The following SCAPER variants were observed in gnomAD, a reference collection of about 807,000 sequenced individuals.
The protein encoded by SCAPER is S phase cyclin A-associated protein in the endoplasmic reticulum.
A neutral mutation model predicts 182.2 loss-of-function variants in SCAPER; 98 were observed. That is an observed-to-expected ratio of 0.54 (90% confidence interval 0.46 to 0.64). The LOEUF (loss-of-function observed/expected upper bound fraction) is 0.64. Ranked by LOEUF, SCAPER falls within the 30% of genes least tolerant of loss-of-function variation. SCAPER has a pLI of 0.00. For synonymous variants in SCAPER, 605 were observed against 564.6 expected (o/e 1.07, Z -1.01); for missense variants, 1,432 against 1,690.0 (o/e 0.85, Z 2.68).
At chr15:76,361,670 G>T (rs2041430947) in intron 29 of SCAPER, among the ~76,000 whole-genome samples, 1 of 152,200 alleles carries the variant, frequency 6.6e-6, no homozygotes, top group African/African-American at 2.4e-5. Flanking sequence ...GCAGACATGA[G>T]AATTCAAAAA....
intron 29 of SCAPER, among the ~76,000 whole-genome samples, chr15:76,365,232 T>C (rs1029913261): frequency 6.6e-6 from 1 of 152,176 alleles, no homozygotes; most frequent in Non-Finnish European, 1.5e-5. Flanking sequence ...TCCTAGCACA[T>C]GGTTTGACAC....
intron 27 of SCAPER, among the ~76,000 whole-genome samples, chr15:76,387,675 A>G (rs1042621704): frequency 6.6e-6 from 1 of 152,232 alleles, no homozygotes; most frequent in African/African-American, 2.4e-5. Flanking sequence ...GGAAACCAGG[A>G]GAGTATGGTG....
intron 16 of SCAPER, among the ~76,000 whole-genome samples, chr15:76,732,252 T>C (rs917780832): frequency 6.6e-6 from 1 of 152,148 alleles, no homozygotes; most frequent in Non-Finnish European, 1.5e-5. Context: ...ACCGAGGGCA[T>C]GAGCTGTTCC....
intron 26 of SCAPER, among the ~76,000 whole-genome samples, chr15:76,433,861 A>T (rs191985575): frequency 8.5e-4 from 129 of 152,338 alleles, no homozygotes; most frequent in South Asian, 1.7e-3. Context: ...CTGCTGCTGC[A>T]AAAGAGCCTG....
chr15:76,553,397 G>A (rs2045937810), intron 23 of SCAPER, among the ~76,000 whole-genome samples: 1 of 152,134 alleles, frequency 6.6e-6, no homozygotes, highest in South Asian at 2.1e-4. Context: ...TGGACACCCC[G>A]CAGTGTCACC....
chr15:76,847,212 G>C (rs926781527), intron 4 of SCAPER, among the ~76,000 whole-genome samples: 1 of 152,078 alleles, frequency 6.6e-6, no homozygotes, highest in Non-Finnish European at 1.5e-5. Flanking sequence ...AGGGGAGTAG[G>C]GGGGAAGTGG....
chr15:76,693,107 A>G (rs1419395032), intron 20 of SCAPER, among the ~76,000 whole-genome samples: 4 of 152,174 alleles, frequency 2.6e-5, no homozygotes, highest in Admixed American at 1.3e-4. Context: ...ACAGCATTAC[A>G]GTTACAGGTA....
intron 21 of SCAPER, among the ~76,000 whole-genome samples, chr15:76,638,924 G>C (rs1461789671): frequency 1.3e-5 from 2 of 152,148 alleles, no homozygotes; most frequent in African/African-American, 4.8e-5. Context: ...CCATTTTACA[G>C]ATGAGGAAAC....
chr15:76,454,006 G>C (rs2048551639), intron 25 of SCAPER, among the ~76,000 whole-genome samples: 1 of 152,174 alleles, frequency 6.6e-6, no homozygotes, highest in East Asian at 1.9e-4. Context: ...TGAGAGACAA[G>C]CAAGCATCTG....
At chr15:76,422,014 G>A (rs1432664079) in intron 26 of SCAPER, among the ~76,000 whole-genome samples, 3 of 152,140 alleles carry the variant, frequency 2.0e-5, no homozygotes, top group African/African-American at 4.8e-5. Flanking sequence ...ATGCTGTTTT[G>A]GTTACTATAG....
intron 20 of SCAPER, among the ~76,000 whole-genome samples, chr15:76,675,077 C>T (rs1448499391): frequency 6.6e-6 from 1 of 152,124 alleles, no homozygotes; most frequent in Non-Finnish European, 1.5e-5. Flanking sequence ...CAGGATTTAC[C>T]ACAAGTTTAT....
chr15:76,830,060 AG>A (rs2068324449), intron 5 of SCAPER, among the ~76,000 whole-genome samples: 1 of 152,226 alleles, frequency 6.6e-6, no homozygotes, highest in South Asian at 2.1e-4. Context: ...AATTATGAAT[AG>A]GAGTTAAGTA....
intron 21 of SCAPER, among the ~76,000 whole-genome samples, chr15:76,665,339 A>G (rs1241649424): frequency 2.0e-5 from 3 of 152,222 alleles, no homozygotes; most frequent in Non-Finnish European, 2.9e-5. Context: ...TTAAAAATCA[A>G]TAGTTGGAAA....
intron 24 of SCAPER, among the ~76,000 whole-genome samples, chr15:76,485,257 C>G (rs2051510177): frequency 6.6e-6 from 1 of 152,024 alleles, no homozygotes; most frequent in Non-Finnish European, 1.5e-5. Context: ...AGCTAAGAGC[C>G]AAATCAGGAA....
At chr15:76,779,659 GAAGAT>G (rs1362636306) in intron 8 of SCAPER, among the ~76,000 whole-genome samples, 4 of 151,050 alleles carry the variant, frequency 2.6e-5, no homozygotes, top group Non-Finnish European at 5.9e-5. Flanking sequence ...CCATAAAATA[GAAGAT>G]AAGGAAATAC....
At chr15:76,900,365 A>AAAAT (rs931229812) in intron 1 of SCAPER, among the ~76,000 whole-genome samples, 13 of 151,090 alleles carry the variant, frequency 8.6e-5, no homozygotes, top group African/African-American at 3.2e-4. Context: ...AAAAAAGACA[A>AAAAT]AAATAAATAA....
chr15:76,628,911 A>G (rs1182592997), intron 21 of SCAPER, among the ~76,000 whole-genome samples: 1 of 152,154 alleles, frequency 6.6e-6, no homozygotes, highest in East Asian at 1.9e-4. Flanking sequence ...TGAGCATTCA[A>G]TGTTTTTCCA....
intron 1 of SCAPER, among the ~76,000 whole-genome samples, chr15:76,900,801 AT>A (rs1360181313): frequency 6.6e-6 from 1 of 152,220 alleles, no homozygotes. Context: ...CTACTCCAAA[AT>A]ATAGGGGCCC....
At chr15:76,848,832 C>G (rs1297582343) in intron 4 of SCAPER, among the ~76,000 whole-genome samples, 1 of 152,030 alleles carries the variant, frequency 6.6e-6, no homozygotes, top group Non-Finnish European at 1.5e-5. Context: ...GGAGTGCAGC[C>G]CCTCCTCCCT....
Sources: gnomAD v4.1 joint callset for allele counts (sites outside exome capture counted in the v4.1 genomes callset) on GRCh38, gnomAD v4.1.1 for gene constraint, MANE v1.5 for transcripts, NCBI Gene and HGNC (gene_info 2026-07-23, HGNC 2026-07-21) for gene names.